Variants in KCNMA1 observed in about 807,000 individuals in gnomAD.
The protein encoded by KCNMA1 is Calcium-activated potassium channel subunit alpha-1.
A neutral mutation model predicts 140.0 loss-of-function variants in KCNMA1; 29 were observed. The ratio of observed to expected loss-of-function variants is 0.21; its 90% CI spans 0.15 to 0.28. KCNMA1 has a LOEUF of 0.28. Ranked by LOEUF, KCNMA1 falls within the 10% of genes least tolerant of loss-of-function variation. The pLI, the probability that KCNMA1 is intolerant of heterozygous loss-of-function variation, is 1.00. For missense variants in KCNMA1, 880 were observed against 1,602.2 expected, an observed-to-expected ratio of 0.55 and a Z score of 7.70; for synonymous variants, 612 against 611.9, an observed-to-expected ratio of 1.00 and a Z score of 0.00.
At chr10:77,040,092 C>T (rs1367349110) in intron 14 of KCNMA1, among the ~76,000 whole-genome samples, 1 of 150,852 alleles carries the variant, frequency 6.6e-6, no homozygotes, top group Non-Finnish European at 1.5e-5. Context: ...GTTGCCCAGG[C>T]TTGTCTTGAA....
intron 25 of KCNMA1, among the ~76,000 whole-genome samples, chr10:76,905,783 T>C (rs2047597068): frequency 6.6e-6 from 1 of 152,220 alleles, no homozygotes; most frequent in African/African-American, 2.4e-5. Context: ...CACTTACCTA[T>C]TTACTCTTAA....
chr10:77,162,273 G>C (rs771557974), intron 5 of KCNMA1, among the ~76,000 whole-genome samples: 1 of 152,176 alleles, frequency 6.6e-6, no homozygotes, highest in Admixed American at 6.5e-5. Context: ...AAATCTCTCA[G>C]ACAATTATGT....
At chr10:76,934,733 G>T (rs936616568) in intron 23 of KCNMA1, among the ~76,000 whole-genome samples, 2 of 152,002 alleles carry the variant, frequency 1.3e-5, no homozygotes, top group Non-Finnish European at 2.9e-5. Context: ...TGTCTTAGAG[G>T]GTCCATGGGA....
At chr10:77,490,924 CT>C (rs2098524478) in intron 1 of KCNMA1, among the ~76,000 whole-genome samples, 1 of 152,176 alleles carries the variant, frequency 6.6e-6, no homozygotes, top group Non-Finnish European at 1.5e-5. Flanking sequence ...CCTTGAACCA[CT>C]CTTTGTAACT....
At chr10:77,373,370 A>C (rs2094871939) in intron 2 of KCNMA1, among the ~76,000 whole-genome samples, 1 of 152,220 alleles carries the variant, frequency 6.6e-6, no homozygotes, top group Admixed American at 6.5e-5. Context: ...CAGTAACATG[A>C]GGGCGTAGGT....
At position 76,891,620 on chromosome 10, in the gene KCNMA1, T is replaced by C; in HGVS notation, c.3247A>G (p.Arg1083Gly). 2 of 1,614,108 alleles carry C rather than the reference T, an allele frequency of 1.2e-6. No homozygotes were observed. The highest frequency in any genetic ancestry group is 1.7e-6 in the Non-Finnish European group (2 of 1,180,016). Reference sequence around the variant, plus strand: ...GTCTGCGGGGTGCTGTAGCCACCTCTAAGGGCGTTTTCCTCAGCAATCAGA... The same window carrying C: ...GTCTGCGGGGTGCTGTAGCCACCTCCAAGGGCGTTTTCCTCAGCAATCAGA... The part of the protein sequence containing the change: ...EALIAEENAL[R>G]GGYSTPQTLA... The change falls in exon 26 of 28, where the codon AGA becomes GGA. Residue 1083 changes from arginine (R) to glycine (G), a missense_variant. By Grantham distance (125) the Arg-to-Gly change is moderately radical. This residue lies in a region of KCNMA1 where 31 missense variants were observed against 38.8 expected (regional missense o/e 0.80). Coordinates refer to ENST00000286628, the MANE Select transcript of KCNMA1 (RefSeq NM_001161352.2).
chr10:76,879,341 A>G (rs2033588540), intron 29 of KCNMA1, among the ~76,000 whole-genome samples: 1 of 150,802 alleles, frequency 6.6e-6, no homozygotes, highest in Non-Finnish European at 1.5e-5. Flanking sequence ...CGTTCTCCCC[A>G]CCCCCTCTCC....
chr10:77,233,113 T>C (rs1015748283), intron 3 of KCNMA1, among the ~76,000 whole-genome samples: 1 of 152,194 alleles, frequency 6.6e-6, no homozygotes, highest in Non-Finnish European at 1.5e-5. Flanking sequence ...CTGGACAGCA[T>C]CATTAATTGG....
downstream of KCNMA1, among the ~76,000 whole-genome samples, chr10:76,881,129 A>G (rs2151502404): frequency 6.6e-6 from 1 of 152,320 alleles, no homozygotes; most frequent in East Asian, 1.9e-4. Flanking sequence ...TGCCATTGGC[A>G]GATGTCACCT....
At chr10:77,328,823 T>A (rs1224696752) in intron 2 of KCNMA1, among the ~76,000 whole-genome samples, 1 of 152,062 alleles carries the variant, frequency 6.6e-6, no homozygotes, top group African/African-American at 2.4e-5. Context: ...TATATCTATA[T>A]TTTTTGTTTT....
rs45586138 is a variant in KCNMA1, at chr10:76,891,627, G to A, written c.3240C>T (p.Asn1080=). 7,084 of 1,614,054 alleles carry A rather than the reference G, an allele frequency of 4.4e-3. 32 individuals are homozygous for A. The highest frequency in any genetic ancestry group is 6.5e-3 in the Admixed American group (389 of 60,022). ...PELEALIAEE[N]ALRGGYSTPQ... is the part of the protein sequence containing the mutation. ...GGGTGCTGTAGCCACCTCTAAGGGC[G>A]TTTTCCTCAGCAATCAGAGCCTCCA... Residue 1080 remains asparagine (N), a synonymous_variant, in exon 26 of 28, where the codon AAC becomes AAT. Coordinates refer to ENST00000286628, the MANE Select transcript of KCNMA1 (RefSeq NM_001161352.2).
At chr10:76,890,273 C>T (rs114457346) in intron 26 of KCNMA1, among the ~76,000 whole-genome samples, 65 of 152,268 alleles carry the variant, frequency 4.3e-4, no homozygotes, top group African/African-American at 1.4e-3. Flanking sequence ...CTGGCTTCAG[C>T]GGCCAGGTGG....
rs567022940 is a variant in KCNMA1 at position 76,949,295 on chromosome 10, T to C, written c.2556A>G (p.Ser852=). 7 of 1,614,158 alleles carry C rather than the reference T, an allele frequency of 4.3e-6. No individual in the cohort carries two copies. The highest frequency in any genetic ancestry group is 2.2e-5 in the East Asian group (1 of 44,862). ...VVVCIFGDVS[S]ALIGLRNLVM... ...CCAGGTTCCGGAGGCCGATCAGGGCTGAGCTGACGTCGCCAAAGATGCAGA... is the reference window on the plus strand; with the variant it reads ...CCAGGTTCCGGAGGCCGATCAGGGCCGAGCTGACGTCGCCAAAGATGCAGA... The change falls in exon 22 of 28, where the codon TCA becomes TCG. Residue 852 remains serine (S), a synonymous_variant. Transcript: ENST00000286628.
At chr10:76,956,768 C>T (rs898530291) in intron 20 of KCNMA1, among the ~76,000 whole-genome samples, 2 of 151,988 alleles carry the variant, frequency 1.3e-5, no homozygotes, top group Non-Finnish European at 2.9e-5. Flanking sequence ...TACAAGAATA[C>T]CAAGAAAAAA....
intron 23 of KCNMA1, among the ~76,000 whole-genome samples, chr10:76,935,115 T>C (rs2060216754): frequency 6.6e-6 from 1 of 152,144 alleles, no homozygotes. Flanking sequence ...TGTCCAGTGG[T>C]AGTAGCAAGA....
rs143161138 is a variant in KCNMA1, at chr10:77,052,032, G to A, written c.1750-12395C>T. 7.0e-3 allele frequency among the ~76,000 whole-genome samples: 1,069 copies of A among 152,278 alleles called. 18 individuals are homozygous for A. Among genetic ancestry groups the A allele is most frequent in the African/African-American group, 0.024 (1,008 of 41,556 alleles). ...AGTAATGAGTGATAGTGATAGTGAT[G>A]ATGCTGATGATGCTGATGATAGACA... On this transcript the variant is annotated intron_variant, in intron 14 of 27. Transcript: ENST00000286628.
intron 3 of KCNMA1, among the ~76,000 whole-genome samples, chr10:77,216,319 G>A (rs185968759): frequency 2.0e-5 from 3 of 152,164 alleles, no homozygotes; most frequent in Admixed American, 1.3e-4. Flanking sequence ...TTAAATGAGT[G>A]AATTCTATGG....
At chr10:77,507,764 A>G (rs1041671363) in intron 1 of KCNMA1, among the ~76,000 whole-genome samples, 4 of 152,236 alleles carry the variant, frequency 2.6e-5, no homozygotes, top group Non-Finnish European at 5.9e-5. Flanking sequence ...TTTTGGTGAG[A>G]TTTCATGAAA....
intron 1 of KCNMA1, among the ~76,000 whole-genome samples, chr10:77,511,973 G>C (rs2154548667): frequency 1.3e-5 from 2 of 152,342 alleles, no homozygotes; most frequent in South Asian, 4.1e-4. Context: ...ATAATGCCAA[G>C]GCAGCAGGGA....
Sources: gnomAD v4.1 joint callset for allele counts (sites outside exome capture counted in the v4.1 genomes callset) on GRCh38, gnomAD v4.1.1 for gene constraint, gnomAD v4.1.1 regional missense constraint, MANE v1.5 for transcripts, NCBI Gene and HGNC (gene_info 2026-07-23, HGNC 2026-07-21) for gene names.